The following AHCTF1 variants were observed in gnomAD, a reference collection of about 807,000 sequenced individuals.
AHCTF1 encodes the protein protein ELYS.
Under a neutral mutation model 248.4 loss-of-function variants are expected in AHCTF1, and 24 were observed. The ratio of observed to expected loss-of-function variants is 0.10; its 90% confidence interval spans 0.07 to 0.14. AHCTF1 has a LOEUF of 0.14. Ranked by LOEUF, AHCTF1 falls within the 10% of genes least tolerant of loss-of-function variation. AHCTF1 has a pLI of 1.00. For missense variants in AHCTF1, 2,206 were observed against 2,636.2 expected, an observed-to-expected ratio of 0.84 and a Z score of 3.57; for synonymous variants, 786 against 929.8, an observed-to-expected ratio of 0.85 and a Z score of 2.81.
At chr1:246,916,427 T>C (rs752175047) in intron 2 of AHCTF1, 32 bp from the exon 3 acceptor site, 14 of 1,590,562 alleles carry the variant, frequency 8.8e-6, no homozygotes, top group African/African-American at 5.4e-5. Context: ...TATTTTAATA[T>C]TGTATATACA....
At chr1:246,880,135 G>A (rs1297359581) in intron 21 of AHCTF1, among the ~76,000 whole-genome samples, 1 of 152,002 alleles carries the variant, frequency 6.6e-6, no homozygotes, top group African/African-American at 2.4e-5. Context: ...AGAGGAAACA[G>A]GCAGTTGGGA....
intron 2 of AHCTF1, among the ~76,000 whole-genome samples, chr1:246,916,636 A>T (rs1039395609): frequency 1.3e-5 from 2 of 152,232 alleles, no homozygotes; most frequent in Non-Finnish European, 1.5e-5. Flanking sequence ...CCTGCGTGAC[A>T]GAGCAAGACT....
rs1661542157 is a variant in AHCTF1, at chr1:246,861,419, T to A, written c.3736-124A>T. 3.3e-6 allele frequency: 3 copies of A among 904,956 alleles called. No homozygotes were observed. The African/African-American group carries it at 5.1e-5, about 15-fold the overall frequency. 56.1% of individuals were successfully genotyped at this position (904,956 alleles called of 1,614,324 possible). On this transcript the variant is annotated intron_variant, in intron 28 of 35. Transcript: ENST00000648844. ...GTTTTTACCCAAATTCTCTCCTTAA[T>A]AAAAATTCATTTATTCTAAATCCAT...
Position 246,867,899 on chromosome 1 carries a change from C to A in AHCTF1, c.3089-88G>T, listed in dbSNP as rs540056502. The A allele has an allele frequency of 1.3e-3, 712 of 557,350 alleles. 39 individuals carry two copies. Among genetic ancestry groups the A allele is most frequent in the South Asian group, 4.9e-3 (202 of 41,424 alleles). 34.5% of individuals were successfully genotyped at this position (557,350 alleles called of 1,614,324 possible). A position where few individuals can be genotyped will look rare whatever the true frequency, so the allele number is the denominator to read the frequency against. ...TATGAAAGAATGATTACACCCCCCC[C>A]CCCACACACACACACACACACATTA... is the stretch of plus-strand genomic sequence containing the variant. On this transcript the variant is annotated intron_variant, in intron 24 of 35. Coordinates refer to ENST00000648844, the MANE Select transcript of AHCTF1 (RefSeq NM_001323342.2).
intron 3 of AHCTF1, 32 bp downstream of exon 3, chr1:246,916,110 A>G: frequency 5.7e-6 from 9 of 1,590,108 alleles, no homozygotes; most frequent in Non-Finnish European, 7.7e-6. Flanking sequence ...GTTTTGAAAG[A>G]GAAATGTCCA....
chr1:246,931,242 T>A (rs756952978), intron 1 of AHCTF1: 95 of 1,549,404 alleles, frequency 6.1e-5, no homozygotes, highest in Middle Eastern at 5.0e-4. Flanking sequence ...GGGAGAACAG[T>A]GGGAAAGGGT....
Position 246,857,790 on chromosome 1 carries a change from T to C in AHCTF1, c.4157A>G (p.Lys1386Arg), listed in dbSNP as rs1661211807. 3.1e-6 allele frequency: 5 copies of C among 1,610,084 alleles called. No individual in the cohort carries two copies. Among genetic ancestry groups the C allele is most frequent in the Middle Eastern group, 1.7e-4 (1 of 6,040 alleles). ...TGCCTCTGCTGCAACTAAGAGATCCTTTGTTTCTGCATCTTCTAAATTGCC... is the reference window on the plus strand; with the variant it reads ...TGCCTCTGCTGCAACTAAGAGATCCCTTGTTTCTGCATCTTCTAAATTGCC... ...QMGNLEDAETKDLLVAAEAFS... is the reference protein window; with the variant it reads ...QMGNLEDAETRDLLVAAEAFS... Residue 1386 changes from lysine to arginine, a missense_variant, in exon 30 of 36, where the codon AAG (lysine) becomes AGG (arginine). Coordinates refer to ENST00000648844, the MANE Select transcript of AHCTF1 (RefSeq NM_001323342.2).
chr1:246,917,408 G>T, intron 2 of AHCTF1, among the ~76,000 whole-genome samples: 1 of 152,166 alleles, frequency 6.6e-6, no homozygotes, highest in Non-Finnish European at 1.5e-5. Flanking sequence ...ATAGCTAAGG[G>T]AGGCCACAGT....
intron 4 of AHCTF1, among the ~76,000 whole-genome samples, chr1:246,908,391 T>C (rs1665547527): frequency 6.6e-6 from 1 of 151,314 alleles, no homozygotes; most frequent in Non-Finnish European, 1.5e-5. Context: ...AAAGACCTTA[T>C]ATTGAACAAT....
At chr1:246,895,149 A>G (rs1300562300) in intron 13 of AHCTF1, among the ~76,000 whole-genome samples, 1 of 152,212 alleles carries the variant, frequency 6.6e-6, no homozygotes, top group Non-Finnish European at 1.5e-5. Flanking sequence ...CAAAATACAA[A>G]GCATGATTCT....
rs1441459121 is a variant in AHCTF1, at chr1:246,850,825, A to G, written c.5181T>C (p.Asn1727=). The change falls in exon 33 of 36, where the codon AAT becomes AAC. Residue 1727 remains asparagine, a synonymous_variant. Transcript: ENST00000648844. ...AAACCACGTCATCAACCTGGCTGAC[A>G]TTCATAGTCATTGTGCTTGTTTCCT... The part of the protein sequence containing the change: ...TAQETSTMTM[N]VSQVDDVVSS... 1.9e-6 allele frequency: 3 copies of G among 1,613,738 alleles called. No individual in the cohort carries two copies. Among genetic ancestry groups the G allele is most frequent in the Non-Finnish European group, 2.5e-6 (3 of 1,179,852 alleles).
chr1:246,907,972 T>C (rs9729188), intron 4 of AHCTF1, among the ~76,000 whole-genome samples: 3,865 of 152,290 alleles, frequency 0.025, 172 homozygotes, highest in African/African-American at 0.089. Context: ...CATTCAATTA[T>C]ATAATATTTA....
At chr1:246,900,632 A>T (rs914376211) in intron 8 of AHCTF1, among the ~76,000 whole-genome samples, 163 bp from the exon 9 acceptor site, 2 of 152,252 alleles carry the variant, frequency 1.3e-5, no homozygotes, top group African/African-American at 4.8e-5. Context: ...GACCAGATTC[A>T]TTCACTTGCA....
Position 246,898,301 on chromosome 1 carries a change from G to C in AHCTF1, c.1530C>G (p.Leu510=), listed in dbSNP as rs1312528666. Residue 510 remains leucine (L), a synonymous_variant, in exon 12 of 36, where the codon CTC becomes CTG. Coordinates refer to ENST00000648844, the MANE Select transcript of AHCTF1 (RefSeq NM_001323342.2). ...TATAACCATCAGGAATGAGTTCATT[G>C]AGTGATGGACCTGATTTCTTTAAAA... ...LTFLKKSGPS[L]NELIPDGYNR... The C allele has an allele frequency of 1.2e-6, 2 of 1,613,232 alleles. No individual in the cohort carries two copies. Among genetic ancestry groups the C allele is most frequent in the East Asian group, 4.5e-5 (2 of 44,850 alleles).
At chr1:246,916,523 C>A in intron 2 of AHCTF1, 128 bp from the exon 3 acceptor site, 2 of 862,050 alleles carry the variant, frequency 2.3e-6, no homozygotes, top group Non-Finnish European at 3.5e-6. Context: ...ACATTGAAAT[C>A]TTTTAATCAA....
At chr1:246,897,564 G>A (rs1300265363) in intron 12 of AHCTF1, among the ~76,000 whole-genome samples, 1 of 152,124 alleles carries the variant, frequency 6.6e-6, no homozygotes, top group South Asian at 2.1e-4. Context: ...TACATATCAA[G>A]GCTATGTATA....
chr1:246,892,365 A>G (rs1012130230), intron 14 of AHCTF1, among the ~76,000 whole-genome samples: 3 of 117,584 alleles, frequency 2.6e-5, no homozygotes, highest in Non-Finnish European at 4.8e-5. Flanking sequence ...CCCAGGCTGG[A>G]GTGCAGTGGT....
intron 20 of AHCTF1, 93 bp downstream of exon 20, chr1:246,887,118 G>T: frequency 7.2e-7 from 1 of 1,397,778 alleles, no homozygotes; most frequent in Non-Finnish European, 9.7e-7. Flanking sequence ...TTAGTAGACT[G>T]TATCATATCT....
rs770423744 is a variant in AHCTF1 at position 246,850,728 on chromosome 1, C to T, written c.5278G>A (p.Ala1760Thr). The T allele has an allele frequency of 1.2e-6, 2 of 1,613,886 alleles. No homozygotes were observed. The highest frequency in any genetic ancestry group is 1.7e-5 in the Admixed American group (1 of 60,006). The change falls in exon 33 of 36, where the codon GCA (alanine) becomes ACA (threonine). Residue 1760 changes from alanine (A) to threonine (T), a missense_variant. Transcript: ENST00000648844. Reference protein sequence around the residue: ...NVKSAQQEASADVATPKMPGQ... With the variant: ...NVKSAQQEASTDVATPKMPGQ... The stretch of plus-strand genomic sequence containing the variant: ...GGCATCTTAGGAGTAGCAACATCTG[C>T]TGATGCTTCCTGTTGTGCTGATTTG...
Sources: gnomAD v4.1 joint callset for allele counts (sites outside exome capture counted in the v4.1 genomes callset) on GRCh38, gnomAD v4.1.1 for gene constraint, MANE v1.5 for transcripts, NCBI Gene and HGNC (gene_info 2026-07-23, HGNC 2026-07-21) for gene names.